AGBL4: variants seen among roughly 807,000 people sequenced by gnomAD.
AGBL4 encodes the protein AGBL carboxypeptidase 4.
AGBL4 carries 58 observed loss-of-function variants against 66.4 expected under a neutral mutation model. The observed-to-expected ratio is 0.87, with a 90% CI of 0.71 to 1.09. The LOEUF is 1.09. AGBL4 is among the 50% of genes least tolerant of loss of function. AGBL4 has a pLI of 0.00. For missense variants in AGBL4, 579 were observed against 631.0 expected (o/e 0.92, Z 0.88); for synonymous variants, 234 against 222.9 (o/e 1.05, Z -0.44).
intron 3 of AGBL4, among the ~76,000 whole-genome samples, chr1:49,297,847 C>A (rs764204080): frequency 6.6e-6 from 1 of 152,152 alleles, no homozygotes; most frequent in Non-Finnish European, 1.5e-5. Flanking sequence ...ACCCTAGCAG[C>A]TTCCTCACTC....
intron 4 of AGBL4, among the ~76,000 whole-genome samples, chr1:49,195,744 C>T (rs1647222200): frequency 6.6e-6 from 1 of 152,074 alleles, no homozygotes; most frequent in South Asian, 2.1e-4. Flanking sequence ...CCTAAATAAG[C>T]TTTCTAAACT....
intron 5 of AGBL4, among the ~76,000 whole-genome samples, chr1:48,936,490 T>C (rs1453285605): frequency 6.6e-6 from 1 of 152,170 alleles, no homozygotes; most frequent in African/African-American, 2.4e-5. Context: ...GAGTACTGTT[T>C]GATTGGCAAC....
intron 5 of AGBL4, among the ~76,000 whole-genome samples, chr1:48,999,385 T>A (rs542494720): frequency 6.6e-6 from 1 of 152,276 alleles, no homozygotes; most frequent in Non-Finnish European, 1.5e-5. Context: ...ACCTTCAGGC[T>A]CCCTTCCAAA....
chr1:48,948,250 C>G (rs1049484288), intron 5 of AGBL4, among the ~76,000 whole-genome samples: 1 of 152,336 alleles, frequency 6.6e-6, no homozygotes, highest in Admixed American at 6.5e-5. Context: ...TGCTCCAGCT[C>G]TTTGCACGTG....
intron 5 of AGBL4, among the ~76,000 whole-genome samples, chr1:48,898,902 G>GC (rs914376416): frequency 2.0e-5 from 3 of 152,132 alleles, no homozygotes; most frequent in Non-Finnish European, 4.4e-5. Context: ...CCAGGTACAC[G>GC]CCCCCCGTCA....
At chr1:49,334,767 G>A (rs1231049468) in intron 3 of AGBL4, among the ~76,000 whole-genome samples, 1 of 152,306 alleles carries the variant, frequency 6.6e-6, no homozygotes, top group East Asian at 1.9e-4. Flanking sequence ...CTGTCAGCCA[G>A]AGAAAGCATT....
intron 1 of AGBL4, among the ~76,000 whole-genome samples, chr1:49,881,824 C>T (rs981841611): frequency 6.6e-6 from 1 of 151,478 alleles, no homozygotes; most frequent in South Asian, 2.1e-4. Flanking sequence ...AAATTTTCTC[C>T]CATTTTGTGG....
At chr1:49,636,035 T>C (rs1645664763) in intron 3 of AGBL4, among the ~76,000 whole-genome samples, 1 of 152,206 alleles carries the variant, frequency 6.6e-6, no homozygotes, top group South Asian at 2.1e-4. Flanking sequence ...TGCTGGGTTC[T>C]AGGGCTGCAC....
At chr1:49,899,388 A>T (rs1649543436) in intron 1 of AGBL4, among the ~76,000 whole-genome samples, 1 of 152,134 alleles carries the variant, frequency 6.6e-6, no homozygotes, top group Non-Finnish European at 1.5e-5. Flanking sequence ...AGTATAACTG[A>T]ATTGTTTATA....
intron 2 of AGBL4, among the ~76,000 whole-genome samples, chr1:49,793,687 T>C (rs1401020164): frequency 6.6e-6 from 1 of 151,932 alleles, no homozygotes; most frequent in Non-Finnish European, 1.5e-5. Context: ...CAAGTGAAGA[T>C]GTTAAGCAGA....
chr1:49,428,055 T>C (rs1428460159), intron 3 of AGBL4, among the ~76,000 whole-genome samples: 1 of 152,212 alleles, frequency 6.6e-6, no homozygotes, highest in African/African-American at 2.4e-5. Flanking sequence ...CACAGAGCAC[T>C]GATTGGTGTG....
intron 6 of AGBL4, among the ~76,000 whole-genome samples, chr1:48,801,024 G>C (rs979011984): frequency 2.0e-5 from 3 of 152,132 alleles, no homozygotes; most frequent in African/African-American, 4.8e-5. Context: ...GTGGTTCTCA[G>C]GCCAATGCAG....
intron 4 of AGBL4, among the ~76,000 whole-genome samples, chr1:49,229,904 C>T (rs1483630674): frequency 1.4e-5 from 2 of 141,194 alleles, no homozygotes; most frequent in African/African-American, 5.0e-5. Flanking sequence ...AGCTGTCATG[C>T]TGCAATGGGT....
At chr1:49,206,652 A>G (rs1648156307) in intron 4 of AGBL4, among the ~76,000 whole-genome samples, 1 of 152,080 alleles carries the variant, frequency 6.6e-6, no homozygotes, top group South Asian at 2.1e-4. Context: ...AGGCTTTAGG[A>G]ATTTGTTATC....
chr1:49,543,777 C>T (rs1254489015), intron 3 of AGBL4, among the ~76,000 whole-genome samples: 5 of 152,146 alleles, frequency 3.3e-5, no homozygotes, highest in African/African-American at 1.2e-4. Context: ...TTGCTGGTGC[C>T]ATAGTGTAGC....
intron 2 of AGBL4, among the ~76,000 whole-genome samples, chr1:49,836,054 T>C (rs753265045): frequency 7.9e-5 from 12 of 152,118 alleles, no homozygotes; most frequent in Non-Finnish European, 1.2e-4. Context: ...CGATTATGTT[T>C]CTTGGGGTTG....
chr1:49,843,352 A>G (rs1646050417), intron 2 of AGBL4, among the ~76,000 whole-genome samples: 1 of 151,908 alleles, frequency 6.6e-6, no homozygotes. Context: ...TTGCCCAGGC[A>G]TGTCTTGAAC....
At chr1:49,899,897 T>G (rs1424980101) in intron 1 of AGBL4, among the ~76,000 whole-genome samples, 1 of 151,934 alleles carries the variant, frequency 6.6e-6, no homozygotes, top group African/African-American at 2.4e-5. Flanking sequence ...AAAAATTAGC[T>G]AAGCATTAGT....
chr1:48,637,476 C>T lies in AGBL4; in HGVS notation c.840-2872G>A, dbSNP rs146144517. ...TACAAGATGAGGCATGATTTTGCCC[C>T]GTCTCCCTCCACGGAAGCCAGATGA... On this transcript the variant is annotated intron_variant, in intron 8 of 13. Transcript: ENST00000371839. Among the ~76,000 whole-genome samples, 547 of 152,278 alleles carry T rather than the reference C, an allele frequency of 3.6e-3. 8 individuals carry two copies. Among genetic ancestry groups the T allele is most frequent in the East Asian group, 0.012 (62 of 5,176 alleles).
Sources: allele counts gnomAD v4.1 joint callset (sites outside exome capture counted in the v4.1 genomes callset), GRCh38; gene constraint gnomAD v4.1.1; transcripts MANE v1.5; gene names NCBI Gene and HGNC (gene_info 2026-07-23, HGNC 2026-07-21).